The following NALF1 variants were observed in gnomAD, a reference collection of about 807,000 sequenced individuals.
The protein encoded by NALF1 is NALCN channel auxiliary factor 1.
NALF1 carries 3 observed loss-of-function variants against 48.4 expected under a neutral mutation model. That is an observed-to-expected ratio of 0.06 (90% CI 0.03 to 0.16). NALF1 has a LOEUF of 0.16. NALF1 is among the 10% of genes least tolerant of loss of function. The pLI is 1.00. For missense variants in NALF1, 526 were observed against 571.5 expected (o/e 0.92, Z 0.81); for synonymous variants, 262 against 245.7 (o/e 1.07, Z -0.62).
chr13:107,345,594 G>A (rs1323550318), intron 1 of NALF1, among the ~76,000 whole-genome samples: 1 of 152,114 alleles, frequency 6.6e-6, no homozygotes, highest in Non-Finnish European at 1.5e-5. Context: ...GGGAAAACTG[G>A]ATGATCAAGA....
At chr13:107,560,224 T>G (rs1400760476) in intron 1 of NALF1, among the ~76,000 whole-genome samples, 2 of 152,140 alleles carry the variant, frequency 1.3e-5, no homozygotes. Flanking sequence ...CAAAGGAATC[T>G]GCTGAAGAAG....
At chr13:107,547,439 CA>C in intron 1 of NALF1, among the ~76,000 whole-genome samples, 2 of 152,206 alleles carry the variant, frequency 1.3e-5, no homozygotes, top group East Asian at 3.9e-4. Context: ...AATTTTTAAA[CA>C]ATTGTTGAAT....
intron 2 of NALF1, among the ~76,000 whole-genome samples, chr13:107,194,893 C>G (rs1192997703): frequency 1.3e-5 from 2 of 151,992 alleles, no homozygotes; most frequent in Non-Finnish European, 2.9e-5. Context: ...AATCCCATCA[C>G]AAAGTGGGCT....
intron 1 of NALF1, among the ~76,000 whole-genome samples, chr13:107,341,756 T>C (rs115225210): frequency 0.046 from 6,966 of 151,582 alleles, 217 homozygotes; most frequent in Middle Eastern, 0.071. Context: ...ATTAACCATC[T>C]ATAATGTGTG....
At chr13:107,801,562 T>C (rs1241230016) in intron 1 of NALF1, among the ~76,000 whole-genome samples, 2 of 152,170 alleles carry the variant, frequency 1.3e-5, no homozygotes, top group Admixed American at 6.5e-5. Context: ...CAGCTGTCAA[T>C]GGAAAATATA....
chr13:107,569,502 C>T (rs539575307), intron 1 of NALF1, among the ~76,000 whole-genome samples: 106 of 152,202 alleles, frequency 7.0e-4, no homozygotes, highest in African/African-American at 2.5e-3. Context: ...GGCTACCCCT[C>T]ATCCACCGAA....
chr13:107,659,538 T>C (rs1226675241), intron 1 of NALF1, among the ~76,000 whole-genome samples: 1 of 151,902 alleles, frequency 6.6e-6, no homozygotes, highest in Non-Finnish European at 1.5e-5. Flanking sequence ...CATACAGTAG[T>C]CTAACTTGTA....
At chr13:107,490,383 T>TA (rs1262459709) in intron 1 of NALF1, among the ~76,000 whole-genome samples, 1 of 152,112 alleles carries the variant, frequency 6.6e-6, no homozygotes, top group Non-Finnish European at 1.5e-5. Context: ...TATGCAGTCA[T>TA]AAAAAAGAAC....
intron 1 of NALF1, among the ~76,000 whole-genome samples, chr13:107,428,193 A>G (rs1347281784): frequency 6.6e-6 from 1 of 152,156 alleles, no homozygotes; most frequent in Non-Finnish European, 1.5e-5. Context: ...CAAGCCTTTC[A>G]TAACTATTAA....
intron 2 of NALF1, among the ~76,000 whole-genome samples, chr13:107,174,952 C>A (rs910603544): frequency 6.7e-6 from 1 of 149,622 alleles, no homozygotes; most frequent in Admixed American, 6.6e-5. Flanking sequence ...GGCGCGATCT[C>A]GGCTCACTGC....
chr13:107,478,958 A>T (rs1885213581), intron 1 of NALF1, among the ~76,000 whole-genome samples: 1 of 152,164 alleles, frequency 6.6e-6, no homozygotes, highest in Non-Finnish European at 1.5e-5. Flanking sequence ...TGAAAGTAAC[A>T]GTTCAAAAGT....
intron 1 of NALF1, among the ~76,000 whole-genome samples, chr13:107,853,429 C>A (rs1408841234): frequency 6.6e-6 from 1 of 152,158 alleles, no homozygotes; most frequent in Non-Finnish European, 1.5e-5. Context: ...GTCTTAGTTT[C>A]TTTTCCTGTG....
chr13:107,838,993 C>A (rs557656505), intron 1 of NALF1, among the ~76,000 whole-genome samples: 3 of 152,260 alleles, frequency 2.0e-5, no homozygotes, highest in African/African-American at 7.2e-5. Flanking sequence ...AGGGGCCTCT[C>A]TTTGGTTGCA....
At chr13:107,639,369 C>T (rs933597096) in intron 1 of NALF1, among the ~76,000 whole-genome samples, 1 of 151,946 alleles carries the variant, frequency 6.6e-6, no homozygotes, top group Admixed American at 6.6e-5. Flanking sequence ...GATGACCCAG[C>T]CAAAAAAAAC....
At chr13:107,247,434 A>G (rs1165190946) in intron 1 of NALF1, among the ~76,000 whole-genome samples, 1 of 152,244 alleles carries the variant, frequency 6.6e-6, no homozygotes, top group Non-Finnish European at 1.5e-5. Context: ...ATTTGTATAT[A>G]TGACCAAAGC....
intron 1 of NALF1, among the ~76,000 whole-genome samples, chr13:107,222,173 T>A: frequency 6.6e-6 from 1 of 152,316 alleles, no homozygotes; most frequent in East Asian, 1.9e-4. Flanking sequence ...AACAATCGCC[T>A]ATCACTAGAA....
intron 1 of NALF1, among the ~76,000 whole-genome samples, chr13:107,679,936 A>C (rs545979061): frequency 4.6e-5 from 7 of 152,346 alleles, no homozygotes; most frequent in African/African-American, 1.7e-4. Context: ...ACACGTTCAC[A>C]GCTCTTCTTT....
chr13:107,221,272 G>A (rs1315812320), intron 1 of NALF1, among the ~76,000 whole-genome samples: 2 of 151,868 alleles, frequency 1.3e-5, no homozygotes, highest in African/African-American at 4.8e-5. Context: ...CACCACTAAA[G>A]CTATTGAAAT....
chr13:107,364,767 C>T (rs1883121995), intron 1 of NALF1, among the ~76,000 whole-genome samples: 2 of 134,136 alleles, frequency 1.5e-5, no homozygotes, highest in South Asian at 4.8e-4. Context: ...CAAGCATCTA[C>T]CCCAAGCTCG....
Sources: allele counts gnomAD v4.1 joint callset (sites outside exome capture counted in the v4.1 genomes callset), GRCh38; gene constraint gnomAD v4.1.1; transcripts MANE v1.5; gene names NCBI Gene and HGNC (gene_info 2026-07-23, HGNC 2026-07-21).